The following HPSE2 variants were observed in gnomAD, a reference collection of about 807,000 sequenced individuals.
HPSE2 encodes the protein heparanase 2 (inactive).
HPSE2 carries 38 observed loss-of-function variants against 60.5 expected under a neutral mutation model. The observed-to-expected ratio is 0.63, with a 90% CI of 0.48 to 0.82. HPSE2 has a LOEUF of 0.82. Among genes scored for constraint, HPSE2 ranks in the 40% least tolerant of loss-of-function variants. HPSE2 has a pLI of 0.00. For synonymous variants in HPSE2, 295 were observed against 293.2 expected (o/e 1.01, Z -0.06); for missense variants, 713 against 740.4 (o/e 0.96, Z 0.43).
intron 3 of HPSE2, among the ~76,000 whole-genome samples, chr10:98,850,374 T>G (rs1305187284): frequency 6.6e-6 from 1 of 152,072 alleles, no homozygotes; most frequent in Non-Finnish European, 1.5e-5. Flanking sequence ...TAGAAAAAAA[T>G]AGCTTTTCTG....
chr10:98,879,824 C>T (rs1244005412), intron 3 of HPSE2, among the ~76,000 whole-genome samples: 4 of 149,926 alleles, frequency 2.7e-5, no homozygotes, highest in Admixed American at 1.3e-4. Flanking sequence ...TTAGTTAATA[C>T]TGGGAAACAA....
intron 3 of HPSE2, among the ~76,000 whole-genome samples, chr10:98,986,107 T>C (rs1407173950): frequency 6.6e-6 from 1 of 151,926 alleles, no homozygotes; most frequent in African/African-American, 2.4e-5. Context: ...AACAAGAATA[T>C]CCAGGAATTG....
chr10:99,047,931 T>C (rs968669238), intron 3 of HPSE2: 5 of 753,500 alleles, frequency 6.6e-6, no homozygotes, highest in Non-Finnish European at 1.2e-5. Context: ...ATCAGAGGTA[T>C]CGATGGTGTT....
chr10:98,626,893 C>A (rs1238199551), intron 7 of HPSE2, among the ~76,000 whole-genome samples: 1 of 152,090 alleles, frequency 6.6e-6, no homozygotes, highest in Non-Finnish European at 1.5e-5. Flanking sequence ...CCTGCTTCAG[C>A]CTCCTGAGTA....
chr10:98,798,516 C>A (rs987418835), intron 3 of HPSE2, among the ~76,000 whole-genome samples: 1 of 152,016 alleles, frequency 6.6e-6, no homozygotes, highest in Non-Finnish European at 1.5e-5. Context: ...ATAACTACAA[C>A]AAATTTTCAA....
intron 2 of HPSE2, among the ~76,000 whole-genome samples, chr10:99,185,413 G>C (rs1404957800): frequency 6.6e-6 from 1 of 151,984 alleles, no homozygotes; most frequent in Non-Finnish European, 1.5e-5. Flanking sequence ...CATCATAACC[G>C]AATTGCCAAA....
the HPSE2 span, among the ~76,000 whole-genome samples, chr10:99,243,976 T>C: frequency 6.6e-6 from 1 of 152,186 alleles, no homozygotes; most frequent in Non-Finnish European, 1.5e-5. Flanking sequence ...TTGAGATTAA[T>C]GGACCTGTAA....
At chr10:98,531,651 C>T (rs1943135220) in intron 9 of HPSE2, among the ~76,000 whole-genome samples, 1 of 152,196 alleles carries the variant, frequency 6.6e-6, no homozygotes, top group African/African-American at 2.4e-5. Flanking sequence ...TCTTACATTT[C>T]TCATCTTTCC....
intron 3 of HPSE2, among the ~76,000 whole-genome samples, chr10:98,944,310 A>AC (rs1327698759): frequency 2.6e-5 from 4 of 152,128 alleles, no homozygotes; most frequent in Non-Finnish European, 5.9e-5. Flanking sequence ...CTGGGATTTA[A>AC]AAGACCAGCA....
intron 2 of HPSE2, among the ~76,000 whole-genome samples, chr10:99,181,397 CAAAAAAAAAAAAA>C (rs58049545): frequency 3.8e-5 from 4 of 104,760 alleles, no homozygotes; most frequent in Non-Finnish European, 5.2e-5. Context: ...GACTCCGTCT[CAAAAAAAAAAAAA>C]AAAAAAAAAA....
chr10:98,889,404 G>T (rs540360764), intron 3 of HPSE2, among the ~76,000 whole-genome samples: 4 of 142,190 alleles, frequency 2.8e-5, no homozygotes, highest in South Asian at 4.4e-4. Flanking sequence ...ACAGAGTCTT[G>T]CCATTGTTGC....
chr10:98,825,637 G>T (rs1407310021), intron 3 of HPSE2, among the ~76,000 whole-genome samples: 1 of 151,500 alleles, frequency 6.6e-6, no homozygotes, highest in African/African-American at 2.4e-5. Context: ...GGGAGGTGTG[G>T]GGGGGAGTGA....
At chr10:98,985,362 T>C (rs921933458) in intron 3 of HPSE2, among the ~76,000 whole-genome samples, 15 of 152,142 alleles carry the variant, frequency 9.9e-5, no homozygotes, top group African/African-American at 2.2e-4. Context: ...AAAGAATTTT[T>C]AACCAAGAAT....
chr10:99,184,861 G>GAGAGAGAGAA (rs1847943207), intron 2 of HPSE2, among the ~76,000 whole-genome samples: 1 of 113,894 alleles, frequency 8.8e-6, no homozygotes, highest in Non-Finnish European at 1.9e-5. Flanking sequence ...GAGAGAGAGA[G>GAGAGAGAGAA]AGACAGAAAC....
intron 5 of HPSE2, among the ~76,000 whole-genome samples, chr10:98,699,656 A>G (rs1948344999): frequency 8.1e-6 from 1 of 124,062 alleles, no homozygotes; most frequent in African/African-American, 2.7e-5. Context: ...ATTAGGCAGG[A>G]GAAGGAAATA....
intron 3 of HPSE2, among the ~76,000 whole-genome samples, chr10:98,936,990 A>C (rs1345862433): frequency 5.7e-5 from 8 of 140,362 alleles, no homozygotes; most frequent in Admixed American, 2.8e-4. Flanking sequence ...AAAAAAAAAA[A>C]AAAAAAAAAA....
intron 7 of HPSE2, among the ~76,000 whole-genome samples, chr10:98,631,636 C>T (rs1946367353): frequency 6.6e-6 from 1 of 152,166 alleles, no homozygotes; most frequent in African/African-American, 2.4e-5. Context: ...CTTTTTGCCC[C>T]AAACAGCAAT....
intron 3 of HPSE2, among the ~76,000 whole-genome samples, chr10:99,094,715 C>A (rs1265890911): frequency 6.6e-6 from 1 of 150,480 alleles, no homozygotes; most frequent in African/African-American, 2.4e-5. Context: ...TGTCACCACA[C>A]CTGGCTAATT....
intron 9 of HPSE2, among the ~76,000 whole-genome samples, chr10:98,571,315 G>A (rs1944486469): frequency 6.6e-6 from 1 of 151,968 alleles, no homozygotes; most frequent in African/African-American, 2.4e-5. Flanking sequence ...ACCAGCCTGG[G>A]CAACACAGTG....
Sources: gnomAD v4.1 joint callset for allele counts (sites outside exome capture counted in the v4.1 genomes callset) on GRCh38, gnomAD v4.1.1 for gene constraint, MANE v1.5 for transcripts, NCBI Gene and HGNC (gene_info 2026-07-23, HGNC 2026-07-21) for gene names.